The following MED26 variants were observed in gnomAD, a reference collection of about 807,000 sequenced individuals.
MED26 encodes mediator complex subunit 26.
Under a neutral mutation model 43.7 loss-of-function variants are expected in MED26, and 7 were observed. The observed-to-expected ratio is 0.16, with a 90% confidence interval of 0.09 to 0.30. MED26 has a LOEUF of 0.30. Ranked by LOEUF, MED26 falls within the 10% of genes least tolerant of loss-of-function variation. The pLI is 1.00. For synonymous variants in MED26, 375 were observed against 371.1 expected (o/e 1.01, Z -0.12); for missense variants, 784 against 840.6 (o/e 0.93, Z 0.83).
At chr19:16,592,913 A>T (rs541567433) in intron 1 of MED26, among the ~76,000 whole-genome samples, 1 of 152,366 alleles carries the variant, frequency 6.6e-6, no homozygotes. Flanking sequence ...CCTCTGTTTT[A>T]AAAACACAAG....
chr19:16,616,503 G>C (rs2086226791), intron 1 of MED26, among the ~76,000 whole-genome samples: 1 of 152,194 alleles, frequency 6.6e-6, no homozygotes, highest in African/African-American at 2.4e-5. Context: ...TGCTGCACTA[G>C]ACCCCCTGGA....
intron 1 of MED26, among the ~76,000 whole-genome samples, chr19:16,609,334 A>G (rs1031895106): frequency 1.0e-3 from 142 of 139,260 alleles, no homozygotes; most frequent in South Asian, 3.0e-3. Context: ...AAAAAAAAAA[A>G]AAAGAGAGAG....
chr19:16,582,578 G>C (rs566641051), intron 1 of MED26, among the ~76,000 whole-genome samples: 1 of 152,312 alleles, frequency 6.6e-6, no homozygotes, highest in Admixed American at 6.5e-5. Context: ...CACTCTCATG[G>C]AGGTGGCCCT....
intron 1 of MED26, among the ~76,000 whole-genome samples, chr19:16,621,508 C>A (rs2086251481): frequency 6.6e-6 from 1 of 152,284 alleles, no homozygotes; most frequent in East Asian, 1.9e-4. Context: ...ACCCAGGAAA[C>A]TTTGCTGCAG....
At chr19:16,578,264 G>C (rs1376513419) in intron 2 of MED26, 71 bp downstream of exon 2, 2 of 1,385,106 alleles carry the variant, frequency 1.4e-6, no homozygotes, top group South Asian at 1.2e-5. Flanking sequence ...AGAAGCTGCG[G>C]AAGGACCTGG....
At chr19:16,589,580 G>A (rs867423921) in intron 1 of MED26, among the ~76,000 whole-genome samples, 3 of 152,042 alleles carry the variant, frequency 2.0e-5, no homozygotes, top group South Asian at 2.1e-4. Flanking sequence ...ACTTCTAGAT[G>A]GTGAGAGCAG....
At position 16,578,328 on chromosome 19, in the gene MED26, T is replaced by C. The variant is rs1462313680; in HGVS notation, c.147+7A>G. 5.6e-6 allele frequency: 9 copies of C among 1,613,792 alleles called. No individual in the cohort carries two copies. The highest frequency in any genetic ancestry group is 1.1e-5 in the South Asian group (1 of 91,070). Reference sequence around the variant, plus strand: ...CCCTCCCAAATGCTGGGGTCTGGGATACTCACCTCAAGTGCCTCTTTGGTA... The same window carrying C: ...CCCTCCCAAATGCTGGGGTCTGGGACACTCACCTCAAGTGCCTCTTTGGTA... On this transcript the variant is annotated splice_region_variant and intron_variant, in intron 2 of 2. Coordinates refer to ENST00000263390, the MANE Select transcript of MED26 (RefSeq NM_004831.5).
At position 16,627,764 on chromosome 19, in the gene MED26, G is replaced by A. The variant is rs2086288217; in HGVS notation, c.72+108C>T. ...GGATGGCAGCGGCCCTCGAGGGGAG[G>A]TGGGCGCCAGACGGGTCCCCCGAAG... On this transcript the variant is annotated intron_variant, in intron 1 of 2. Coordinates refer to ENST00000263390, the MANE Select transcript of MED26 (RefSeq NM_004831.5). 4.1e-6 allele frequency: 3 copies of A among 726,750 alleles called. No individual in the cohort carries two copies. In the East Asian group the frequency reaches 1.0e-4, roughly 25 times the overall value. The allele number at this position is 726,750 out of a possible 1,614,324, so 45.0% of individuals were successfully genotyped here.
intron 1 of MED26, among the ~76,000 whole-genome samples, chr19:16,600,738 T>G (rs1258645456): frequency 6.6e-6 from 1 of 152,152 alleles, no homozygotes; most frequent in Non-Finnish European, 1.5e-5. Flanking sequence ...CTGCTGAAGA[T>G]GGACTAGGAA....
chr19:16,594,830 T>C (rs554901889), intron 1 of MED26, among the ~76,000 whole-genome samples: 4 of 152,150 alleles, frequency 2.6e-5, no homozygotes, highest in Admixed American at 1.3e-4. Context: ...ACGCATGTTT[T>C]TACTACACCC....
intron 1 of MED26, among the ~76,000 whole-genome samples, chr19:16,593,768 C>A (rs1237989573): frequency 6.6e-6 from 1 of 152,154 alleles, no homozygotes; most frequent in Non-Finnish European, 1.5e-5. Flanking sequence ...AAGTCCAGGT[C>A]AAGGGTGCCA....
chr19:16,593,291 G>GC (rs2086106362), intron 1 of MED26, among the ~76,000 whole-genome samples: 1 of 152,216 alleles, frequency 6.6e-6, no homozygotes, highest in Non-Finnish European at 1.5e-5. Flanking sequence ...GCCCTTTCCA[G>GC]CAAGGGAGAG....
At chr19:16,623,581 T>C (rs1323107029) in intron 1 of MED26, among the ~76,000 whole-genome samples, 1 of 152,202 alleles carries the variant, frequency 6.6e-6, no homozygotes, top group Non-Finnish European at 1.5e-5. Context: ...GACAGAGACC[T>C]TAAGATGTTC....
At position 16,575,146 on chromosome 19, in the gene MED26, C is replaced by T. The variant is rs59759095; in HGVS notation, c.*881G>A. ...TTCCAGCGTACAGACAGGTCTTCCC[C>T]CTCGCCCCACAGTACAGCATAAAAC... On this transcript the variant is annotated 3_prime_UTR_variant, in exon 3 of 3. Transcript: ENST00000263390. 1 of 152,522 alleles carries T rather than the reference C, an allele frequency of 6.6e-6. No individual in the cohort carries two copies. The highest frequency in any genetic ancestry group is 2.4e-5 in the African/African-American group (1 of 41,402). The allele number at this position is 152,522 out of a possible 1,614,324, so 9.4% of individuals were successfully genotyped here.
In MED26 at chr19:16,597,623, C is replaced by T. The variant is rs541587588; in HGVS notation, c.73-19214G>A. Reference sequence around the variant, plus strand: ...CCCTCTCTCTCCTGGTTCCCAGCAGCACACAGAGGTGCGTCCGGCTCTGTG... The same window carrying T: ...CCCTCTCTCTCCTGGTTCCCAGCAGTACACAGAGGTGCGTCCGGCTCTGTG... On this transcript the variant is annotated intron_variant, in intron 1 of 2. Coordinates refer to ENST00000263390, the MANE Select transcript of MED26 (RefSeq NM_004831.5). Among the ~76,000 whole-genome samples the T allele has an allele frequency of 7.2e-5, 11 of 152,326 alleles. No homozygotes were observed. The East Asian group carries it at 2.1e-3, about 29-fold the overall frequency.
At chr19:16,585,359 C>A (rs1599333630) in intron 1 of MED26, among the ~76,000 whole-genome samples, 2 of 152,126 alleles carry the variant, frequency 1.3e-5, no homozygotes, top group East Asian at 3.9e-4. Context: ...AGGAAGGAGC[C>A]CAGGACAGCC....
intron 1 of MED26, among the ~76,000 whole-genome samples, chr19:16,602,499 C>T (rs1429432217): frequency 6.6e-6 from 1 of 152,156 alleles, no homozygotes; most frequent in African/African-American, 2.4e-5. Flanking sequence ...GGGTATGTAC[C>T]CAAAAGAACC....
intron 1 of MED26, among the ~76,000 whole-genome samples, chr19:16,600,762 A>G (rs1269320436): frequency 2.6e-5 from 4 of 152,110 alleles, no homozygotes; most frequent in African/African-American, 9.7e-5. Flanking sequence ...CTGGTTCTTC[A>G]CAGCCTCAGT....
intron 1 of MED26, among the ~76,000 whole-genome samples, chr19:16,604,305 G>T (rs1267085501): frequency 6.6e-6 from 1 of 152,174 alleles, no homozygotes; most frequent in Non-Finnish European, 1.5e-5. Flanking sequence ...CAGGAAAATG[G>T]ACTCTACACT....
Sources: gnomAD v4.1 joint callset for allele counts (sites outside exome capture counted in the v4.1 genomes callset) on GRCh38, gnomAD v4.1.1 for gene constraint, MANE v1.5 for transcripts, NCBI Gene and HGNC (gene_info 2026-07-23, HGNC 2026-07-21) for gene names.